Variants in EPAS1 observed in about 807,000 individuals in gnomAD.
EPAS1 encodes the protein endothelial PAS domain protein 1.
In EPAS1, 23 loss-of-function variants were observed where a neutral mutation model predicts 87.9. That is an observed-to-expected ratio of 0.26 (90% confidence interval 0.19 to 0.37). The LOEUF (loss-of-function observed/expected upper bound fraction) is 0.37, where lower values mean the gene tolerates loss of function less well. Ranked by LOEUF, EPAS1 falls within the 10% of genes least tolerant of loss-of-function variation. The probability of loss-of-function intolerance (pLI) is 1.00; values close to 1 mark genes in which losing one functional copy is unlikely to be tolerated. For missense variants in EPAS1, 1,138 were observed against 1,120.7 expected (o/e 1.02, Z -0.22); for synonymous variants, 508 against 444.3 (o/e 1.14, Z -1.80).
rs1460924096 is a variant in EPAS1 at position 46,376,523 on chromosome 2, C to T, written c.1035-16C>T. 1.2e-6 allele frequency: 2 copies of T among 1,613,228 alleles called. No individual in the cohort carries two copies. The highest frequency in any genetic ancestry group is 2.2e-5 in the East Asian group (1 of 44,890). ...GAAAATGTGGAAAGTCTGAATGGCT[C>T]TTTCCCCCCCATTAGTGAGATTGAG... On this transcript the variant is annotated splice_polypyrimidine_tract_variant and intron_variant, in intron 8 of 15. Coordinates refer to ENST00000263734, the MANE Select transcript of EPAS1 (RefSeq NM_001430.5).
intron 1 of EPAS1, among the ~76,000 whole-genome samples, chr2:46,342,993 AAAAACAAACCC>A (rs918354702): frequency 1.4e-4 from 21 of 152,318 alleles, no homozygotes; most frequent in South Asian, 6.2e-4. Context: ...CAGGGGGAAA[AAAAACAAACCC>A]AAAACAAACC....
At position 46,378,653 on chromosome 2, in the gene EPAS1, CT is replaced by C. The variant is rs773723588; in HGVS notation, c.1444-3del. 1.2e-6 allele frequency: 2 copies of C among 1,613,380 alleles called. No individual in the cohort carries two copies. The highest frequency in any genetic ancestry group is 2.7e-5 in the African/African-American group (2 of 74,896). ...ACTCTGTCCCCCTCCTTCCTGGCCC[CT>C]AGCCCAATAGCCCTGAAGACTATTA... On this transcript the variant is annotated splice_polypyrimidine_tract_variant and splice_region_variant and intron_variant, in intron 10 of 15. Coordinates refer to ENST00000263734, the MANE Select transcript of EPAS1 (RefSeq NM_001430.5).
intron 1 of EPAS1, among the ~76,000 whole-genome samples, chr2:46,334,073 A>G (rs1410535149): frequency 1.3e-5 from 2 of 152,112 alleles, no homozygotes; most frequent in East Asian, 1.9e-4. Context: ...AATTGCTGCC[A>G]TATTTAGAGC....
Position 46,297,761 on chromosome 2 carries a change from C to A in EPAS1, c.-151C>A, listed in dbSNP as rs542491638. On this transcript the variant is annotated 5_prime_UTR_variant, in exon 1 of 16. Coordinates refer to ENST00000263734, the MANE Select transcript of EPAS1 (RefSeq NM_001430.5). ...ACCTAGCCCGCCGCGCGCCACCTTC[C>A]ACCTGACTGCGCGGGGCGCTCGGGA... is the stretch of plus-strand genomic sequence containing the variant. The A allele has an allele frequency of 1.3e-4, 134 of 1,049,884 alleles. 3 individuals are homozygous for A. In the South Asian group the frequency reaches 1.8e-3, roughly 14 times the overall value. The allele number at this position is 1,049,884 out of a possible 1,614,324, so 65.0% of individuals were successfully genotyped here. A position where few individuals can be genotyped will look rare whatever the true frequency, so the allele number is the denominator to read the frequency against.
At chr2:46,340,227 G>T (rs1683884702) in intron 1 of EPAS1, among the ~76,000 whole-genome samples, 1 of 152,074 alleles carries the variant, frequency 6.6e-6, no homozygotes, top group South Asian at 2.1e-4. Flanking sequence ...GGCTGAGAAG[G>T]CCAGAAGATA....
intron 15 of EPAS1, among the ~76,000 whole-genome samples, chr2:46,383,797 A>G (rs768843632): frequency 1.1e-4 from 16 of 152,268 alleles, no homozygotes; most frequent in Non-Finnish European, 2.1e-4. Flanking sequence ...CCACAGGAGC[A>G]GTCAAGCTGG....
chr2:46,312,226 C>CT (rs1558583465), intron 1 of EPAS1, among the ~76,000 whole-genome samples: 1 of 152,284 alleles, frequency 6.6e-6, no homozygotes, highest in Admixed American at 6.5e-5. Context: ...GTCACCTTCT[C>CT]TTTTTTTGTG....
chr2:46,338,366 G>C (rs1683840330), intron 1 of EPAS1, among the ~76,000 whole-genome samples: 1 of 152,198 alleles, frequency 6.6e-6, no homozygotes, highest in Admixed American at 6.5e-5. Context: ...ATCTCAGCTT[G>C]CGGAGGTTAA....
At chr2:46,333,766 G>GA (rs1010094768) in intron 1 of EPAS1, among the ~76,000 whole-genome samples, 1 of 151,942 alleles carries the variant, frequency 6.6e-6, no homozygotes, top group Non-Finnish European at 1.5e-5. Context: ...GCGACAAGCT[G>GA]AAAATGGTTT....
At chr2:46,381,461 C>A (rs919003253) in intron 12 of EPAS1, 135 bp from the exon 13 acceptor site, 2 of 1,430,840 alleles carry the variant, frequency 1.4e-6, no homozygotes, top group Non-Finnish European at 2.0e-6. Context: ...CAGCCTGCCT[C>A]TGAGACTCTG....
intron 1 of EPAS1, among the ~76,000 whole-genome samples, chr2:46,343,984 C>G (rs932773481): frequency 6.6e-6 from 1 of 152,238 alleles, no homozygotes; most frequent in Non-Finnish European, 1.5e-5. Context: ...CTGTGTGTTT[C>G]CGGACTTCTA....
intron 1 of EPAS1, among the ~76,000 whole-genome samples, chr2:46,320,302 C>T (rs577143613): frequency 6.6e-6 from 1 of 152,228 alleles, no homozygotes; most frequent in African/African-American, 2.4e-5. Context: ...GGGTACTTGC[C>T]ATGTGTACAC....
chr2:46,379,765 G>A (rs575349171), intron 11 of EPAS1: 1 of 237,586 alleles, frequency 4.2e-6, no homozygotes, highest in Non-Finnish European at 8.4e-6. Flanking sequence ...TCCACAGATG[G>A]ACCTGGGCAC....
At chr2:46,331,719 A>G (rs941152073) in intron 1 of EPAS1, among the ~76,000 whole-genome samples, 4 of 152,188 alleles carry the variant, frequency 2.6e-5, no homozygotes, top group African/African-American at 7.2e-5. Flanking sequence ...CTTTCTACCA[A>G]CCGGCACCGA....
intron 11 of EPAS1, among the ~76,000 whole-genome samples, chr2:46,379,118 C>G (rs967980172): frequency 6.6e-6 from 1 of 152,176 alleles, no homozygotes; most frequent in Admixed American, 6.5e-5. Context: ...GACAATTAAT[C>G]CCTTTATAAA....
intron 1 of EPAS1, among the ~76,000 whole-genome samples, chr2:46,299,534 G>C (rs1682954532): frequency 6.6e-6 from 1 of 152,216 alleles, no homozygotes; most frequent in African/African-American, 2.4e-5. Flanking sequence ...AATAATGACT[G>C]AACCATCGAA....
At chr2:46,323,230 G>T (rs1323247915) in intron 1 of EPAS1, among the ~76,000 whole-genome samples, 2 of 152,088 alleles carry the variant, frequency 1.3e-5, no homozygotes, top group Non-Finnish European at 2.9e-5. Context: ...GCTATATTTT[G>T]TCTAATTCAT....
chr2:46,333,656 G>A (rs746467174), intron 1 of EPAS1, among the ~76,000 whole-genome samples: 3 of 152,214 alleles, frequency 2.0e-5, no homozygotes, highest in Admixed American at 2.0e-4. Context: ...AGGATCGTAG[G>A]AGCTAAGTTT....
chr2:46,321,693 C>T (rs1683456650), intron 1 of EPAS1, among the ~76,000 whole-genome samples: 1 of 151,820 alleles, frequency 6.6e-6, no homozygotes. Context: ...CCACCCCACC[C>T]CCGCACCCCC....
Sources: gnomAD v4.1 joint callset for allele counts (sites outside exome capture counted in the v4.1 genomes callset) on GRCh38, gnomAD v4.1.1 for gene constraint, MANE v1.5 for transcripts, NCBI Gene and HGNC (gene_info 2026-07-23, HGNC 2026-07-21) for gene names.